The following CDH5 variants were observed in gnomAD, a reference collection of about 807,000 sequenced individuals.
CDH5 encodes the protein cadherin 5.
A neutral mutation model predicts 62.0 loss-of-function variants in CDH5; 28 were observed. That is an observed-to-expected ratio of 0.45 (90% CI 0.33 to 0.62). The LOEUF is 0.62. Among genes scored for constraint, CDH5 ranks in the 20% least tolerant of loss-of-function variants. The pLI, the probability that CDH5 is intolerant of heterozygous loss-of-function variation, is 0.02. For synonymous variants in CDH5, 464 were observed against 445.8 expected, an observed-to-expected ratio of 1.04 and a Z score of -0.52; for missense variants, 940 against 1,065.1, an observed-to-expected ratio of 0.88 and a Z score of 1.63.
rs187704010 is a variant in CDH5, at chr16:66,403,447, G to C, written c.*278G>C. ...CACATAACCCTGTCACCCACAGACC[G>C]CCGTCTAACTCAAAGACTTCCTCTG... On this transcript the variant is annotated 3_prime_UTR_variant, in exon 12 of 12. Transcript: ENST00000341529. The surrounding 1 kb of genome is among the most constrained non-coding windows in gnomAD (Gnocchi z 4.3). The C allele has an allele frequency of 2.1e-6, 1 of 467,878 alleles. No homozygotes were observed. The highest frequency in any genetic ancestry group is 2.0e-5 in the African/African-American group (1 of 51,186). 29.0% of individuals were successfully genotyped at this position (467,878 alleles called of 1,614,324 possible). A position where few individuals can be genotyped will look rare whatever the true frequency, so the allele number is the denominator to read the frequency against.
chr16:66,367,532 G>A (rs1023370482), intron 1 of CDH5, among the ~76,000 whole-genome samples: 3 of 152,216 alleles, frequency 2.0e-5, no homozygotes, highest in African/African-American at 7.2e-5. Context: ...CCAAGAGCCT[G>A]GCCTGGAGAC....
intron 7 of CDH5, among the ~76,000 whole-genome samples, chr16:66,393,731 T>C (rs965051652): frequency 1.5e-4 from 23 of 152,244 alleles, no homozygotes; most frequent in African/African-American, 5.3e-4. Flanking sequence ...TTTTATTTGA[T>C]ATAATTTTTT....
Position 66,402,251 on chromosome 16 carries a change from C to A in CDH5, c.1838-401C>A, listed in dbSNP as rs1044872692. On this transcript the variant is annotated intron_variant, in intron 11 of 11. Transcript: ENST00000341529. Reference sequence around the variant, plus strand: ...TGAGCCTAATTTTAGAAGCTCTCTGCACTTCAAGGTCTACCCCTCCTTAGG... The same window carrying A: ...TGAGCCTAATTTTAGAAGCTCTCTGAACTTCAAGGTCTACCCCTCCTTAGG... Among the ~76,000 whole-genome samples, 4 of 151,500 alleles carry A rather than the reference C, an allele frequency of 2.6e-5. No individual in the cohort carries two copies. In the East Asian group the frequency reaches 7.8e-4, roughly 30 times the overall value.
intron 2 of CDH5, 57 bp downstream of exon 2, chr16:66,379,604 G>A (rs749956966): frequency 6.7e-7 from 1 of 1,484,370 alleles, no homozygotes. Context: ...ATAGTGACAA[G>A]TGGTGGTGGT....
chr16:66,385,301 C>A (rs1188676675), intron 2 of CDH5, among the ~76,000 whole-genome samples: 4 of 152,158 alleles, frequency 2.6e-5, no homozygotes, highest in African/African-American at 9.7e-5. Context: ...ATTTATAGAA[C>A]CCTGTTTGGT....
Position 66,386,988 on chromosome 16 carries a change from C to T in CDH5, c.390C>T (p.Asn130=), listed in dbSNP as rs992506871. ...TTGTGGACAAGGACACTGGCGAAAA[C>T]CTGGAGACTCCTTCCAGCTTCACCA... ...AVIVDKDTGE[N]LETPSSFTIK... The change falls in exon 3 of 12, where the codon AAC becomes AAT. Residue 130 remains asparagine, a synonymous_variant. Coordinates refer to ENST00000341529, the MANE Select transcript of CDH5 (RefSeq NM_001795.5). 10 of 1,614,132 alleles carry T rather than the reference C, an allele frequency of 6.2e-6. No homozygotes were observed. Among genetic ancestry groups the T allele is most frequent in the Non-Finnish European group, 7.6e-6 (9 of 1,179,988 alleles).
At chr16:66,392,489 A>G (rs768143017) in intron 7 of CDH5, 106 bp downstream of exon 7, 11 of 1,445,526 alleles carry the variant, frequency 7.6e-6, no homozygotes, top group Non-Finnish European at 8.5e-6. Context: ...GGCTTCTCCT[A>G]GCACTTACAG....
At chr16:66,380,962 A>G (rs1186449836) in intron 2 of CDH5, among the ~76,000 whole-genome samples, 1 of 152,046 alleles carries the variant, frequency 6.6e-6, no homozygotes, top group African/African-American at 2.4e-5. Flanking sequence ...TAAACTAGAT[A>G]TCACTAACAG....
chr16:66,402,548 AG>A, intron 11 of CDH5, 103 bp from the exon 12 acceptor site: 1 of 853,294 alleles, frequency 1.2e-6, no homozygotes, highest in South Asian at 1.9e-5. Context: ...GCATGCTGGG[AG>A]GGCGTGGGGG....
At chr16:66,380,715 AGGTGGT>A (rs1019917870) in intron 2 of CDH5, among the ~76,000 whole-genome samples, 1 of 147,690 alleles carries the variant, frequency 6.8e-6, no homozygotes, top group Non-Finnish European at 1.5e-5. Context: ...GGGAAGGACA[AGGTGGT>A]GGTGGTGGTG....
intron 1 of CDH5, among the ~76,000 whole-genome samples, chr16:66,370,721 G>A (rs938348979): frequency 6.6e-6 from 1 of 152,214 alleles, no homozygotes; most frequent in Non-Finnish European, 1.5e-5. Flanking sequence ...GGAGTAGGCA[G>A]TGTGGGCCTT....
chr16:66,374,615 C>G (rs1354289506), intron 1 of CDH5, among the ~76,000 whole-genome samples: 1 of 152,020 alleles, frequency 6.6e-6, no homozygotes, highest in African/African-American at 2.4e-5. Context: ...TAATGTCCCC[C>G]CAGGAGCCAC....
chr16:66,403,207 C>A lies in CDH5; in HGVS notation c.*38C>A. 6.4e-7 allele frequency: 1 copy of A among 1,568,534 alleles called. No individual in the cohort carries two copies. The highest frequency in any genetic ancestry group is 2.3e-5 in the East Asian group (1 of 43,220). Reference sequence around the variant, plus strand: ...ACTCTGGGCCTGGGGACCCAAACCCCCTGCAGCCCAGGCCAGTCAGACGCC... The same window carrying A: ...ACTCTGGGCCTGGGGACCCAAACCCACTGCAGCCCAGGCCAGTCAGACGCC... On this transcript the variant is annotated 3_prime_UTR_variant, in exon 12 of 12. Transcript: ENST00000341529. This position sits in a 1 kb window ranked among gnomAD's most constrained non-coding sequence, Gnocchi z 4.3.
At chr16:66,385,207 C>T (rs1233134745) in intron 2 of CDH5, among the ~76,000 whole-genome samples, 3 of 152,070 alleles carry the variant, frequency 2.0e-5, no homozygotes, top group African/African-American at 7.2e-5. Context: ...GGAACTATAC[C>T]GTTCCTAATA....
At chr16:66,374,523 C>G (rs1405607538) in intron 1 of CDH5, among the ~76,000 whole-genome samples, 1 of 152,162 alleles carries the variant, frequency 6.6e-6, no homozygotes, top group Non-Finnish European at 1.5e-5. Flanking sequence ...CCCTGCTGGA[C>G]ACACAACAGA....
At position 66,403,508 on chromosome 16, in the gene CDH5, T is replaced by A; in HGVS notation, c.*339T>A. ...GCTGCAAAGCAAAACAGACTGTGTTTAACTGCTGCAGGGTCTTTTTCTAGG... is the reference window on the plus strand; with the variant it reads ...GCTGCAAAGCAAAACAGACTGTGTTAAACTGCTGCAGGGTCTTTTTCTAGG... On this transcript the variant is annotated 3_prime_UTR_variant, in exon 12 of 12. Transcript: ENST00000341529. The surrounding 1 kb of genome is among the most constrained non-coding windows in gnomAD (Gnocchi z 4.3). 3.0e-6 allele frequency: 1 copy of A among 334,146 alleles called. No individual in the cohort carries two copies. The highest frequency in any genetic ancestry group is 3.4e-5 in the South Asian group (1 of 29,798). The allele number at this position is 334,146 out of a possible 1,614,324, so 20.7% of individuals were successfully genotyped here.
chr16:66,395,504 T>C (rs1424395672), intron 7 of CDH5: 1 of 14,744 alleles, frequency 6.8e-5, no homozygotes, highest in Non-Finnish European at 1.4e-4. Context: ...TTTTCTTTTC[T>C]TTTTTTTTTT....
rs1387907689 is a variant in CDH5, at chr16:66,400,910, G to A, written c.1731G>A (p.Lys577=). The A allele has an allele frequency of 2.5e-6, 4 of 1,614,210 alleles. No individual in the cohort carries two copies. The highest frequency in any genetic ancestry group is 4.5e-5 in the East Asian group (2 of 44,894). Residue 577 remains lysine (K), a synonymous_variant, in exon 11 of 12, where the codon AAG becomes AAA. Coordinates refer to ENST00000341529, the MANE Select transcript of CDH5 (RefSeq NM_001795.5). ...GCACGCTGACCGTGGCCGTGTGCAA[G>A]TGCAACGAGCAGGGCGAGTTCACCT... ...GTSTLTVAVC[K]CNEQGEFTFC...
chr16:66,379,707 T>TA, intron 2 of CDH5, 160 bp downstream of exon 2: 1 of 658,766 alleles, frequency 1.5e-6, no homozygotes, highest in Non-Finnish European at 2.7e-6. Flanking sequence ...GTGGTAGAGG[T>TA]CGTGGTGGTA....
Sources: allele counts gnomAD v4.1 joint callset (sites outside exome capture counted in the v4.1 genomes callset), GRCh38; gene constraint gnomAD v4.1.1; non-coding constraint Gnocchi (gnomAD v3.1); transcripts MANE v1.5; gene names NCBI Gene and HGNC (gene_info 2026-07-23, HGNC 2026-07-21).